LRRC75A: variants seen among roughly 807,000 people sequenced by gnomAD.
LRRC75A encodes the protein leucine-rich repeat-containing protein 75A.
In LRRC75A, 12 loss-of-function variants were observed where a neutral mutation model predicts 26.0. The ratio of observed to expected loss-of-function variants is 0.46; its 90% CI spans 0.30 to 0.75. LRRC75A has a LOEUF of 0.75. LRRC75A is among the 30% of genes least tolerant of loss of function. The pLI is 0.08. For synonymous variants in LRRC75A, 223 were observed against 219.3 expected, an observed-to-expected ratio of 1.02 and a Z score of -0.15; for missense variants, 410 against 486.6, an observed-to-expected ratio of 0.84 and a Z score of 1.48.
In LRRC75A at chr17:16,448,862, G is replaced by A. The variant is rs114091375; in HGVS notation, c.376-902C>T. 6.3e-3 allele frequency among the ~76,000 whole-genome samples: 959 copies of A among 152,300 alleles called. 9 individuals carry two copies. The highest frequency in any genetic ancestry group is 0.022 in the African/African-American group (918 of 41,562). On this transcript the variant is annotated intron_variant, in intron 2 of 3. Transcript: ENST00000470794. ...GGACTTCTAGCCTTCAGAGCTGTGC[G>A]AAACGAACTGTCTGCTGTTTAGACC...
chr17:16,446,634 G>A (rs116521883), intron 3 of LRRC75A, among the ~76,000 whole-genome samples: 2,808 of 152,146 alleles, frequency 0.018, 80 homozygotes, highest in African/African-American at 0.064. Context: ...GATTCCACCC[G>A]AGGGGAATGA....
chr17:16,443,679 G>T lies in LRRC75A; in HGVS notation c.944C>A (p.Thr315Lys). The T allele has an allele frequency of 1.9e-6, 3 of 1,597,370 alleles. No individual in the cohort carries two copies. The highest frequency in any genetic ancestry group is 4.6e-5 in the East Asian group (2 of 43,864). The change falls in exon 4 of 4, where the codon ACA becomes AAA. Residue 315 changes from threonine (T) to lysine (K), a missense_variant. Thr to Lys is a moderately conservative substitution (Grantham distance 78). Transcript: ENST00000470794. ...CCCTCCAGGGTCCTCCTGGCCTACT[G>T]TCCCTTCCCGGACCTCCTCCCCACT... is the stretch of plus-strand genomic sequence containing the variant. ...PGSGEEVREG[T>K]VGQEDPGGGP...
chr17:16,491,841 G>C lies in LRRC75A; in HGVS notation c.150C>G (p.Pro50=), dbSNP rs1381963063. ...KAGRAGAGMP[P]YHRRVGMVQE... Reference sequence around the variant, plus strand: ...GGACCATGCCGACTCGCCGGTGGTAGGGGGGCATCCCCGCGCCCGCGCGCC... The same window carrying C: ...GGACCATGCCGACTCGCCGGTGGTACGGGGGCATCCCCGCGCCCGCGCGCC... The change falls in exon 1 of 4, where the codon CCC becomes CCG. Residue 50 remains proline (P), a synonymous_variant. Coordinates refer to ENST00000470794, the MANE Select transcript of LRRC75A (RefSeq NM_001113567.3). This position sits in a 1 kb window ranked among gnomAD's most constrained non-coding sequence, Gnocchi z 5.9. 9 of 1,403,358 alleles carry C rather than the reference G, an allele frequency of 6.4e-6. No homozygotes were observed. The East Asian group carries it at 1.9e-4, about 30-fold the overall frequency. 86.9% of individuals were successfully genotyped at this position (1,403,358 alleles called of 1,614,324 possible).
chr17:16,492,023 G>T lies in LRRC75A; in HGVS notation c.-33C>A. 8.9e-7 allele frequency: 1 copy of T among 1,128,936 alleles called. No homozygotes were observed. The highest frequency in any genetic ancestry group is 1.1e-6 in the Non-Finnish European group (1 of 924,484). The allele number at this position is 1,128,936 out of a possible 1,614,324, so 69.9% of individuals were successfully genotyped here. A position where few individuals can be genotyped will look rare whatever the true frequency, so the allele number is the denominator to read the frequency against. The stretch of plus-strand genomic sequence containing the variant: ...CCGCCCGCCGGGACTCTCCGCTCTG[G>T]GCCGCGAGGCCGCGTCCCCGCCAAC... On this transcript the variant is annotated 5_prime_UTR_variant, in exon 1 of 4. Coordinates refer to ENST00000470794, the MANE Select transcript of LRRC75A (RefSeq NM_001113567.3).
At chr17:16,444,234 CT>C in intron 3 of LRRC75A, 103 bp from the exon 4 acceptor site, 2 of 995,842 alleles carry the variant, frequency 2.0e-6, no homozygotes, top group Non-Finnish European at 2.9e-6. Flanking sequence ...CTAGGGACTG[CT>C]TTTACGAAAC....
chr17:16,472,374 G>T (rs1325576649), intron 1 of LRRC75A, among the ~76,000 whole-genome samples: 1 of 152,212 alleles, frequency 6.6e-6, no homozygotes, highest in Non-Finnish European at 1.5e-5. Context: ...CTGCGTGGAT[G>T]GCGGAAGGCG....
At position 16,452,418 on chromosome 17, in the gene LRRC75A, G is replaced by A. The variant is rs150499427; in HGVS notation, c.376-4458C>T. 1.3e-3 allele frequency among the ~76,000 whole-genome samples: 199 copies of A among 149,134 alleles called. 1 individual carries two copies. Among genetic ancestry groups the A allele is most frequent in the African/African-American group, 4.7e-3 (192 of 40,730 alleles). On this transcript the variant is annotated intron_variant, in intron 2 of 3. Transcript: ENST00000470794. The stretch of plus-strand genomic sequence containing the variant: ...GGGCCACCCCAATGATGGGTGGGTG[G>A]CTCAGGCACAGGGATTTTTTTTTTT...
intron 2 of LRRC75A, among the ~76,000 whole-genome samples, chr17:16,460,633 C>CA (rs1166724405): frequency 5.3e-5 from 8 of 152,262 alleles, no homozygotes; most frequent in African/African-American, 1.9e-4. Context: ...TGGGTCACTG[C>CA]ATAGGCCCAA....
chr17:16,467,134 T>A (rs2093775673), intron 1 of LRRC75A, among the ~76,000 whole-genome samples: 1 of 152,202 alleles, frequency 6.6e-6, no homozygotes, highest in Non-Finnish European at 1.5e-5. Flanking sequence ...TTCATAAAAA[T>A]TTATTTTTTC....
chr17:16,476,609 G>A (rs2093820245), intron 1 of LRRC75A, among the ~76,000 whole-genome samples: 1 of 151,794 alleles, frequency 6.6e-6, no homozygotes, highest in Admixed American at 6.6e-5. Flanking sequence ...CTGTCACCCA[G>A]GCTGGAGTGC....
intron 1 of LRRC75A, among the ~76,000 whole-genome samples, chr17:16,477,198 A>C (rs541437836): frequency 6.6e-6 from 1 of 152,208 alleles, no homozygotes; most frequent in Non-Finnish European, 1.5e-5. Flanking sequence ...GATGTTAATC[A>C]CATCTGAAAA....
In LRRC75A at chr17:16,443,772, C is replaced by T. The variant is rs761571535; in HGVS notation, c.851G>A (p.Ser284Asn). Residue 284 changes from serine to asparagine, a missense_variant, in exon 4 of 4, where the codon AGC (serine) becomes AAC (asparagine). By Grantham distance (46) the Ser-to-Asn change is conservative (BLOSUM62 1). Transcript: ENST00000470794. The part of the protein sequence containing the change: ...IFSLPQPFLL[S>N]LRKRSPKQGH... ...CTGCTTTGGGGAGCGCTTGCGCAGG[C>T]TGAGCAGGAAGGGCTGGGGCAAGGA... is the stretch of plus-strand genomic sequence containing the variant. 6.2e-7 allele frequency: 1 copy of T among 1,613,852 alleles called. No individual in the cohort carries two copies. Among genetic ancestry groups the T allele is most frequent in the Non-Finnish European group, 8.5e-7 (1 of 1,179,764 alleles).
intron 1 of LRRC75A, among the ~76,000 whole-genome samples, chr17:16,477,609 C>G (rs781293742): frequency 1.3e-5 from 2 of 152,216 alleles, no homozygotes; most frequent in Non-Finnish European, 2.9e-5. Context: ...GTGCTCTGGG[C>G]AGTGGGGAGG....
chr17:16,488,038 C>A lies in LRRC75A; in HGVS notation c.246+3707G>T, dbSNP rs955347403. ...CGCCTTTTTCTGCTGCTCCATGACG[C>A]AGGCCGACAGCTCAGTCTAAAATTT... On this transcript the variant is annotated intron_variant, in intron 1 of 3. Coordinates refer to ENST00000470794, the MANE Select transcript of LRRC75A (RefSeq NM_001113567.3). Among the ~76,000 whole-genome samples, 3 of 152,250 alleles carry A rather than the reference C, an allele frequency of 2.0e-5. No homozygotes were observed. In the East Asian group the frequency reaches 5.8e-4, roughly 29 times the overall value.
At chr17:16,474,850 G>A (rs796638271) in intron 1 of LRRC75A, among the ~76,000 whole-genome samples, 47 of 151,888 alleles carry the variant, frequency 3.1e-4, no homozygotes, top group African/African-American at 9.4e-4. Flanking sequence ...AAAATTAGCC[G>A]GGCGTGGTGG....
At chr17:16,473,753 A>C (rs1037538713) in intron 1 of LRRC75A, among the ~76,000 whole-genome samples, 1 of 152,168 alleles carries the variant, frequency 6.6e-6, no homozygotes, top group African/African-American at 2.4e-5. Context: ...CCACCTGTCC[A>C]AGGCCACGTG....
chr17:16,469,214 C>T lies in LRRC75A; in HGVS notation c.247-6828G>A, dbSNP rs184139628. Among the ~76,000 whole-genome samples the T allele has an allele frequency of 5.3e-5, 8 of 152,320 alleles. No homozygotes were observed. In the East Asian group the frequency reaches 1.5e-3, roughly 29 times the overall value. Reference sequence around the variant, plus strand: ...ACTGATTTCACATCCAGCATCACCGCTCTCACTGCCCCCAAGAAGGATTGT... The same window carrying T: ...ACTGATTTCACATCCAGCATCACCGTTCTCACTGCCCCCAAGAAGGATTGT... On this transcript the variant is annotated intron_variant, in intron 1 of 3. Transcript: ENST00000470794.
rs995180199 is a variant in LRRC75A, at chr17:16,492,127, G to GGGGCGGGC, written c.-145_-138dup. The GGGGCGGGC allele has an allele frequency of 2.2e-5, 16 of 731,986 alleles. 1 individual carries two copies. Among genetic ancestry groups the GGGGCGGGC allele is most frequent in the Middle Eastern group, 6.6e-4 (1 of 1,516 alleles). The allele number at this position is 731,986 out of a possible 1,614,324, so 45.3% of individuals were successfully genotyped here. On this transcript the variant is annotated 5_prime_UTR_variant, in exon 1 of 4. Transcript: ENST00000470794. ...GGAACTGTTGCGCGCGGGCGTCGCGGGGGCGGGCGGGCGGGCGGCTGTCGG... is the reference window on the plus strand; with the variant it reads ...GGAACTGTTGCGCGCGGGCGTCGCGGGGGCGGGCGGGCGGGCGGGCGGGCGGCTGTCGG...
intron 1 of LRRC75A, among the ~76,000 whole-genome samples, chr17:16,477,712 C>T (rs375944224): frequency 1.8e-4 from 28 of 152,318 alleles, no homozygotes; most frequent in Middle Eastern, 3.4e-3. Context: ...GCCAGACTGC[C>T]AGACCCCTGC....
Sources: allele counts gnomAD v4.1 joint callset (sites outside exome capture counted in the v4.1 genomes callset), GRCh38; gene constraint gnomAD v4.1.1; non-coding constraint Gnocchi (gnomAD v3.1); transcripts MANE v1.5; gene names NCBI Gene and HGNC (gene_info 2026-07-23, HGNC 2026-07-21).